SLURP2: variants seen among roughly 807,000 people sequenced by gnomAD.
SLURP2 encodes the protein secreted Ly-6/uPAR domain-containing protein 2.
A neutral mutation model predicts 9.8 loss-of-function variants in SLURP2; 4 were observed. That is an observed-to-expected ratio of 0.41 (90% CI 0.20 to 0.94). The LOEUF (loss-of-function observed/expected upper bound fraction) is 0.94. SLURP2 is among the 40% of genes least tolerant of loss of function. The probability of loss-of-function intolerance (pLI) is 0.32; values close to 1 mark genes in which losing one functional copy is unlikely to be tolerated. For synonymous variants in SLURP2, 58 were observed against 56.2 expected (o/e 1.03, Z -0.15); for missense variants, 118 against 126.4 (o/e 0.93, Z 0.32).
In SLURP2 at chr8:142,765,144, C is replaced by A. The variant is rs758224308; in HGVS notation, c.53-4G>T. On this transcript the variant is annotated splice_region_variant and splice_polypyrimidine_tract_variant and intron_variant, in intron 1 of 2. Coordinates refer to ENST00000317543, the MANE Select transcript of SLURP2 (RefSeq NM_177458.3). The stretch of plus-strand genomic sequence containing the variant: ...CACCATATGGCTTCGGCTGCAGCTG[C>A]GGACATGGGGACAGACAGGACACAA... The A allele has an allele frequency of 1.9e-6, 3 of 1,604,766 alleles. No individual in the cohort carries two copies. Among genetic ancestry groups the A allele is most frequent in the Non-Finnish European group, 2.6e-6 (3 of 1,175,698 alleles).
intron 1 of SLURP2, among the ~76,000 whole-genome samples, chr8:142,769,370 G>A (rs1455933352): frequency 6.6e-6 from 1 of 151,594 alleles, no homozygotes; most frequent in African/African-American, 2.4e-5. Context: ...GGCCCCAGGA[G>A]ACAAACCAGC....
intron 1 of SLURP2, among the ~76,000 whole-genome samples, chr8:142,765,798 TAAA>T (rs1294978365): frequency 6.6e-6 from 1 of 151,986 alleles, no homozygotes; most frequent in Non-Finnish European, 1.5e-5. Flanking sequence ...CTATCTCTAC[TAAA>T]AATATAAAAA....
chr8:142,769,797 C>T lies in SLURP2; in HGVS notation c.10G>A (p.Gly4Ser), dbSNP rs748519239. 19 of 1,597,448 alleles carry T rather than the reference C, an allele frequency of 1.2e-5. No individual in the cohort carries two copies. The highest frequency in any genetic ancestry group is 3.4e-5 in the South Asian group (3 of 88,194). MQLGTGLLLAAVLS... is the reference protein window; with the variant it reads MQLSTGLLLAAVLS... ...ACGGCGGCCAGCAGGAGCCCAGTGC[C>T]GAGCTGCATGTTCTCCTGGTGAGGT... is the stretch of plus-strand genomic sequence containing the variant. The change falls in exon 1 of 3, where the codon GGC becomes AGC. Residue 4 changes from glycine to serine, a missense_variant. Gly to Ser is a moderately conservative substitution (Grantham distance 56, BLOSUM62 0). Coordinates refer to ENST00000317543, the MANE Select transcript of SLURP2 (RefSeq NM_177458.3).
Position 142,764,557 on chromosome 8 carries a change from T to C in SLURP2, c.*48A>G. On this transcript the variant is annotated 3_prime_UTR_variant, in exon 3 of 3. Transcript: ENST00000317543. ...AGCTGTGAGCCCTGGCGCCAGGCTGTGGGGGCTGTGGGGGCTGAGCGTCCG... is the reference window on the plus strand; with the variant it reads ...AGCTGTGAGCCCTGGCGCCAGGCTGCGGGGGCTGTGGGGGCTGAGCGTCCG... 1.3e-6 allele frequency: 2 copies of C among 1,578,398 alleles called. No homozygotes were observed. The highest frequency in any genetic ancestry group is 1.7e-6 in the Non-Finnish European group (2 of 1,163,394).
intron 1 of SLURP2, among the ~76,000 whole-genome samples, chr8:142,765,938 G>A (rs1814990215): frequency 1.3e-5 from 2 of 150,670 alleles, no homozygotes. Flanking sequence ...ACTCGAGCCT[G>A]GGCGACAGAG....
chr8:142,767,900 AAATGAATG>A (rs60268524), intron 1 of SLURP2, among the ~76,000 whole-genome samples: 104 of 140,742 alleles, frequency 7.4e-4, no homozygotes, highest in Middle Eastern at 3.7e-3. Flanking sequence ...ATGAATGAAT[AAATGAATG>A]AATGAATGAA....
At chr8:142,766,209 C>T (rs188935908) in intron 1 of SLURP2, 1 of 152,276 alleles carries the variant, frequency 6.6e-6, no homozygotes, top group Admixed American at 6.5e-5. Context: ...AGTCGTAAAA[C>T]ATGTTTTTCC....
rs1401206788 is a variant in SLURP2, at chr8:142,764,596, G to A, written c.*9C>T. The A allele has an allele frequency of 1.2e-6, 2 of 1,601,618 alleles. No individual in the cohort carries two copies. Among genetic ancestry groups the A allele is most frequent in the African/African-American group, 1.3e-5 (1 of 74,274 alleles). ...GCTGAGCGTCCGGGGGCCTGGAGGA[G>A]GGCAGCCGTCAGTCATGGTTGCAGA... On this transcript the variant is annotated 3_prime_UTR_variant, in exon 3 of 3. Transcript: ENST00000317543.
At position 142,764,381 on chromosome 8, in the gene SLURP2, G is replaced by T; in HGVS notation, c.*224C>A. On this transcript the variant is annotated 3_prime_UTR_variant, in exon 3 of 3. Transcript: ENST00000317543. Reference sequence around the variant, plus strand: ...TCACATTTTATTGTGGGGAGGTCGGGACCTGAAGGGGCGGCAGGCACGATG... The same window carrying T: ...TCACATTTTATTGTGGGGAGGTCGGTACCTGAAGGGGCGGCAGGCACGATG... The T allele has an allele frequency of 1.5e-6, 1 of 660,620 alleles. No homozygotes were observed. The allele number at this position is 660,620 out of a possible 1,614,324, so 40.9% of individuals were successfully genotyped here. A position where few individuals can be genotyped will look rare whatever the true frequency, so the allele number is the denominator to read the frequency against.
chr8:142,769,084 G>A (rs587746757), intron 1 of SLURP2, among the ~76,000 whole-genome samples: 1 of 152,208 alleles, frequency 6.6e-6, no homozygotes, highest in South Asian at 2.1e-4. Flanking sequence ...CTCTGCTGGG[G>A]GATGCCAAGG....
chr8:142,764,995 G>A, intron 2 of SLURP2, 41 bp downstream of exon 2: 1 of 1,526,988 alleles, frequency 6.5e-7, no homozygotes, highest in Non-Finnish European at 9.0e-7. Context: ...TTCCCACCTG[G>A]GCAAGAAGGA....
intron 1 of SLURP2, 64 bp from the exon 2 acceptor site, chr8:142,765,204 G>A: frequency 7.8e-7 from 1 of 1,285,070 alleles, no homozygotes; most frequent in South Asian, 1.3e-5. Flanking sequence ...ACCTTCTGCA[G>A]TGACGGCACG....
intron 1 of SLURP2, among the ~76,000 whole-genome samples, chr8:142,765,958 A>G (rs1364135230): frequency 7.3e-6 from 1 of 137,224 alleles, no homozygotes; most frequent in African/African-American, 2.7e-5. Flanking sequence ...GCAAGACTCC[A>G]CCTCAAAAAA....
chr8:142,769,513 G>T (rs373162491), intron 1 of SLURP2, among the ~76,000 whole-genome samples: 1 of 139,544 alleles, frequency 7.2e-6, no homozygotes, highest in Non-Finnish European at 1.6e-5. Context: ...GAAGAGGGGG[G>T]TTTGAGCCAA....
rs377242605 is a variant in SLURP2, at chr8:142,769,813, CT to C, written c.-8del. ...GCCCAGTGCCGAGCTGCATGTTCTC[CT>C]GGTGAGGTCGGGCTGTCGGCGCCCT... On this transcript the variant is annotated 5_prime_UTR_variant, in exon 1 of 3. Coordinates refer to ENST00000317543, the MANE Select transcript of SLURP2 (RefSeq NM_177458.3). 7.0e-5 allele frequency: 112 copies of C among 1,591,130 alleles called. No individual in the cohort carries two copies. The African/African-American group carries it at 1.4e-3, about 19-fold the overall frequency.
At chr8:142,769,604 CT>C in intron 1 of SLURP2, 150 bp downstream of exon 1, 1 of 671,304 alleles carries the variant, frequency 1.5e-6, no homozygotes, top group Non-Finnish European at 2.5e-6. Context: ...TCGCAGGAGG[CT>C]TTCGGAGGAA....
chr8:142,767,919 T>C (rs1490865677), intron 1 of SLURP2, among the ~76,000 whole-genome samples: 1 of 151,980 alleles, frequency 6.6e-6, no homozygotes, highest in African/African-American at 2.4e-5. Flanking sequence ...AATGAATGAA[T>C]GAATGAATGA....
rs1300188437 is a variant in SLURP2, at chr8:142,768,811, G to C, written c.52+944C>G. Among the ~76,000 whole-genome samples, 1 of 152,116 alleles carries C rather than the reference G, an allele frequency of 6.6e-6. No individual in the cohort carries two copies. The highest frequency in any genetic ancestry group is 1.5e-5 in the Non-Finnish European group (1 of 67,992). On this transcript the variant is annotated intron_variant, in intron 1 of 2. Coordinates refer to ENST00000317543, the MANE Select transcript of SLURP2 (RefSeq NM_177458.3). This position sits in a 1 kb window ranked among gnomAD's most constrained non-coding sequence, Gnocchi z 4.8. ...TCATAGGCCAGGAGGGTGCCCCTGGGGATGGAGACTGGAGGGATGTAAGAG... is the reference window on the plus strand; with the variant it reads ...TCATAGGCCAGGAGGGTGCCCCTGGCGATGGAGACTGGAGGGATGTAAGAG...
At chr8:142,764,920 TC>T in intron 2 of SLURP2, 115 bp downstream of exon 2, 1 of 1,127,818 alleles carries the variant, frequency 8.9e-7, no homozygotes, top group African/African-American at 1.5e-5. Context: ...TGGCGGACAC[TC>T]CCCACTATGC....
Sources: gnomAD v4.1 joint callset for allele counts (sites outside exome capture counted in the v4.1 genomes callset) on GRCh38, gnomAD v4.1.1 for gene constraint, Gnocchi (gnomAD v3.1) non-coding constraint, MANE v1.5 for transcripts, NCBI Gene and HGNC (gene_info 2026-07-23, HGNC 2026-07-21) for gene names.